Variants in CHRDL1 observed in about 807,000 individuals in gnomAD.
CHRDL1 encodes chordin like 1.
Under a neutral mutation model 40.9 loss-of-function variants are expected in CHRDL1, and 19 were observed. The observed-to-expected ratio is 0.46, with a 90% CI of 0.32 to 0.68. CHRDL1 has a LOEUF of 0.68. Ranked by LOEUF, CHRDL1 falls within the 30% of genes least tolerant of loss-of-function variation. The probability of loss-of-function intolerance (pLI) is 0.03; values close to 1 mark genes in which losing one functional copy is unlikely to be tolerated. For synonymous variants in CHRDL1, 136 were observed against 123.4 expected (o/e 1.10, Z -0.68); for missense variants, 329 against 352.1 (o/e 0.93, Z 0.53).
chrX:110,772,784 A>C (rs972281270), intron 2 of CHRDL1, among the ~76,000 whole-genome samples: 1 of 112,918 alleles, frequency 8.9e-6, no homozygotes, highest in Non-Finnish European at 1.9e-5. Context: ...GTGCAAAGGG[A>C]ATTCAATGGA....
At chrX:110,772,799 G>A (rs867320683) in intron 2 of CHRDL1, among the ~76,000 whole-genome samples, 4 of 112,480 alleles carry the variant, frequency 3.6e-5, no homozygotes, top group Non-Finnish European at 7.5e-5. Context: ...AATGGAAAAG[G>A]GATAGTACTT....
chrX:110,700,594 G>A, intron 7 of CHRDL1, 60 bp downstream of exon 7: 1 of 769,952 alleles, frequency 1.3e-6, no homozygotes, highest in East Asian at 3.2e-5. Flanking sequence ...TAGCCACGAG[G>A]AGAGGAAAGC....
Position 110,708,231 on chromosome X carries a change from G to A in CHRDL1, c.542-7510C>T, listed in dbSNP as rs140647220. ...GTTCAACCATTGTGGAAGACAGTGC[G>A]GTGATTTCTCAAGGATCTAGAACCA... On this transcript the variant is annotated intron_variant, in intron 6 of 11. Transcript: ENST00000372042. 3.2e-3 allele frequency among the ~76,000 whole-genome samples: 359 copies of A among 110,642 alleles called. 2 individuals are homozygous for A. The highest frequency in any genetic ancestry group is 0.014 in the Middle Eastern group (3 of 213).
intron 6 of CHRDL1, among the ~76,000 whole-genome samples, chrX:110,709,781 G>C (rs2070714405): frequency 9.0e-6 from 1 of 111,591 alleles, no homozygotes; most frequent in Non-Finnish European, 1.9e-5. Context: ...GAGGCGGGTA[G>C]ATCATCTGAG....
chrX:110,703,728 T>C (rs1217682077), intron 6 of CHRDL1, among the ~76,000 whole-genome samples: 3 of 112,093 alleles, frequency 2.7e-5, no homozygotes, highest in Non-Finnish European at 3.8e-5. Context: ...GATGTAATCG[T>C]AGAAAGCTTC....
At chrX:110,757,281 G>T (rs1217923023) in intron 4 of CHRDL1, among the ~76,000 whole-genome samples, 1 of 110,367 alleles carries the variant, frequency 9.1e-6, no homozygotes, top group Non-Finnish European at 1.9e-5. Flanking sequence ...GACTCCTTTG[G>T]CTGAAAAAAT....
intron 4 of CHRDL1, among the ~76,000 whole-genome samples, chrX:110,727,709 A>C (rs763259357): frequency 9.5e-4 from 107 of 112,404 alleles, no homozygotes; most frequent in Non-Finnish European, 1.7e-3. Context: ...AAAATCCAAA[A>C]GTTTGAATAA....
intron 4 of CHRDL1, among the ~76,000 whole-genome samples, chrX:110,751,286 A>G (rs1603221790): frequency 1.8e-5 from 2 of 112,176 alleles, no homozygotes; most frequent in African/African-American, 6.5e-5. Context: ...GATACTGTAT[A>G]TACCAATAGC....
At chrX:110,719,092 C>A (rs2070896950) in intron 6 of CHRDL1, among the ~76,000 whole-genome samples, 1 of 110,624 alleles carries the variant, frequency 9.0e-6, no homozygotes, top group Admixed American at 9.6e-5. Context: ...AGTAGATGGT[C>A]AAAAAATATG....
chrX:110,713,449 A>C (rs967169529), intron 6 of CHRDL1, among the ~76,000 whole-genome samples: 1 of 112,194 alleles, frequency 8.9e-6, no homozygotes, highest in African/African-American at 3.2e-5. Context: ...CTTGATGGGA[A>C]AACATGGGCA....
chrX:110,740,999 C>A (rs1301224518), intron 4 of CHRDL1, among the ~76,000 whole-genome samples: 16 of 111,723 alleles, frequency 1.4e-4, no homozygotes, highest in Admixed American at 1.4e-3. Context: ...ACTATTTGGC[C>A]CTTTACAGAA....
intron 6 of CHRDL1, among the ~76,000 whole-genome samples, chrX:110,705,093 C>T (rs6655129): frequency 0.031 from 3,331 of 108,297 alleles, 118 homozygotes; most frequent in African/African-American, 0.1. Flanking sequence ...AAGCACATAG[C>T]GCCTCTTACA....
At chrX:110,766,927 T>C (rs142891249) in intron 2 of CHRDL1, among the ~76,000 whole-genome samples, 1 of 111,927 alleles carries the variant, frequency 8.9e-6, no homozygotes, top group African/African-American at 3.2e-5. Context: ...TGAACATAGA[T>C]GCTAAAATCA....
At chrX:110,704,586 A>C (rs1452217380) in intron 6 of CHRDL1, among the ~76,000 whole-genome samples, 1 of 111,431 alleles carries the variant, frequency 9.0e-6, no homozygotes, top group Non-Finnish European at 1.9e-5. Flanking sequence ...TAAGACCCTG[A>C]AGGAAGATTT....
intron 2 of CHRDL1, among the ~76,000 whole-genome samples, chrX:110,770,804 G>T (rs1215661727): frequency 9.0e-6 from 1 of 111,668 alleles, no homozygotes; most frequent in Non-Finnish European, 1.9e-5. Context: ...ACATAAAATG[G>T]ATTAATTCTT....
chrX:110,767,954 G>A (rs2089688204), intron 2 of CHRDL1, among the ~76,000 whole-genome samples: 1 of 112,045 alleles, frequency 8.9e-6, no homozygotes, highest in Non-Finnish European at 1.9e-5. Context: ...AAATCTGGAA[G>A]CATCACGCTA....
chrX:110,737,151 A>G (rs2071278302), intron 4 of CHRDL1, among the ~76,000 whole-genome samples: 1 of 112,224 alleles, frequency 8.9e-6, no homozygotes, highest in Admixed American at 9.4e-5. Context: ...AGAAGGTCCA[A>G]AAAATATAAG....
At chrX:110,730,174 A>G (rs2071131052) in intron 4 of CHRDL1, among the ~76,000 whole-genome samples, 1 of 112,084 alleles carries the variant, frequency 8.9e-6, no homozygotes, top group Admixed American at 9.4e-5. Flanking sequence ...GAAATTCTCA[A>G]CACCTGTAAT....
intron 4 of CHRDL1, among the ~76,000 whole-genome samples, chrX:110,744,190 T>C (rs2071409331): frequency 8.9e-6 from 1 of 112,393 alleles, no homozygotes; most frequent in African/African-American, 3.2e-5. Context: ...CGCACTCACA[T>C]TGAACTTGTG....
Sources: allele counts gnomAD v4.1 joint callset (sites outside exome capture counted in the v4.1 genomes callset), GRCh38; gene constraint gnomAD v4.1.1; transcripts MANE v1.5; gene names NCBI Gene and HGNC (gene_info 2026-07-23, HGNC 2026-07-21).